The following CARM1 variants were observed in gnomAD, a reference collection of about 807,000 sequenced individuals.
The protein encoded by CARM1 is histone-arginine methyltransferase CARM1.
A neutral mutation model predicts 72.7 loss-of-function variants in CARM1; 14 were observed. That is an observed-to-expected ratio of 0.19 (90% CI 0.13 to 0.30). The LOEUF is 0.30. CARM1 is among the 10% of genes least tolerant of loss of function. CARM1 has a pLI of 1.00. For missense variants in CARM1, 432 were observed against 833.7 expected (o/e 0.52, Z 5.93); for synonymous variants, 333 against 345.5 (o/e 0.96, Z 0.40).
At chr19:10,908,205 C>T in intron 3 of CARM1, 60 bp downstream of exon 3, 1 of 1,085,054 alleles carries the variant, frequency 9.2e-7, no homozygotes, top group Non-Finnish European at 1.4e-6. Context: ...TGCCACTCAC[C>T]CGCAGGAGGC....
chr19:10,878,641 G>A (rs1487600290), intron 1 of CARM1, among the ~76,000 whole-genome samples: 1 of 152,124 alleles, frequency 6.6e-6, no homozygotes, highest in African/African-American at 2.4e-5. Context: ...ATATATAAGT[G>A]GTTCAGTGAC....
At chr19:10,913,630 G>A (rs1369956994) in intron 5 of CARM1, among the ~76,000 whole-genome samples, 2 of 152,096 alleles carry the variant, frequency 1.3e-5, no homozygotes, top group African/African-American at 4.8e-5. Flanking sequence ...AACTTATGAG[G>A]TCAAGCAGTC....
intron 1 of CARM1, among the ~76,000 whole-genome samples, chr19:10,902,034 A>G (rs1433144648): frequency 6.6e-6 from 1 of 152,090 alleles, no homozygotes; most frequent in African/African-American, 2.4e-5. Flanking sequence ...GCTTGAGCTC[A>G]GGAGCTCAAG....
At chr19:10,876,079 G>A (rs926990147) in intron 1 of CARM1, among the ~76,000 whole-genome samples, 14 of 151,742 alleles carry the variant, frequency 9.2e-5, no homozygotes, top group African/African-American at 2.4e-4. Flanking sequence ...GGGTTTCTCC[G>A]TGTTGGTCAG....
In CARM1 at chr19:10,914,104, T is replaced by C. The variant is rs571060125; in HGVS notation, c.847+50T>C. ...CAGGCCCCTCGGTGGAGGCCCTGGC[T>C]GCCGCTGAGCCAGGCCATCAGTGCT... On this transcript the variant is annotated intron_variant, in intron 6 of 15. Transcript: ENST00000327064. 1.8e-5 allele frequency: 28 copies of C among 1,530,150 alleles called. No homozygotes were observed. The African/African-American group carries it at 3.2e-4, about 18-fold the overall frequency. 94.8% of individuals were successfully genotyped at this position (1,530,150 alleles called of 1,614,324 possible). A position where few individuals can be genotyped will look rare whatever the true frequency, so the allele number is the denominator to read the frequency against.
At chr19:10,895,605 G>A (rs1319161905) in intron 1 of CARM1, among the ~76,000 whole-genome samples, 2 of 152,232 alleles carry the variant, frequency 1.3e-5, no homozygotes, top group Non-Finnish European at 2.9e-5. Context: ...TCAAGGCCAT[G>A]CGCACAGTGA....
rs2074277754 is a variant in CARM1, at chr19:10,922,704, A to C, written c.*947A>C. On this transcript the variant is annotated 3_prime_UTR_variant, in exon 16 of 16. Transcript: ENST00000327064. ...TCCCCTGCCCGGGAAGGGACCTTGC[A>C]GGGACCTCTCCCTCCAAAAAAAGAA... The C allele has an allele frequency of 6.6e-6, 1 of 152,504 alleles. No homozygotes were observed. The highest frequency in any genetic ancestry group is 6.5e-5 in the Admixed American group (1 of 15,284). The allele number at this position is 152,504 out of a possible 1,614,324, so 9.4% of individuals were successfully genotyped here. A position where few individuals can be genotyped will look rare whatever the true frequency, so the allele number is the denominator to read the frequency against.
At chr19:10,889,226 G>A (rs1325788307) in intron 1 of CARM1, among the ~76,000 whole-genome samples, 1 of 152,124 alleles carries the variant, frequency 6.6e-6, no homozygotes, top group South Asian at 2.1e-4. Context: ...ATGCCAACAG[G>A]ACACCCACAG....
intron 1 of CARM1, among the ~76,000 whole-genome samples, chr19:10,875,345 A>T (rs955576741): frequency 2.0e-5 from 3 of 151,656 alleles, no homozygotes; most frequent in Admixed American, 6.6e-5. Context: ...TTTTTTTTAA[A>T]GTGAGATGGA....
intron 1 of CARM1, among the ~76,000 whole-genome samples, chr19:10,899,312 G>A (rs958799374): frequency 3.9e-5 from 6 of 152,190 alleles, no homozygotes; most frequent in Non-Finnish European, 8.8e-5. Flanking sequence ...AGGCAACATC[G>A]GGTTGCCAGG....
chr19:10,888,247 G>A (rs1458734268), intron 1 of CARM1, among the ~76,000 whole-genome samples: 2 of 152,166 alleles, frequency 1.3e-5, no homozygotes, highest in African/African-American at 4.8e-5. Flanking sequence ...AGCCTGGCCT[G>A]GCATTGCCCA....
intron 2 of CARM1, 68 bp downstream of exon 2, chr19:10,905,144 G>A (rs973989388): frequency 6.2e-5 from 97 of 1,573,274 alleles, no homozygotes; most frequent in African/African-American, 1.9e-4. Context: ...GGGCAGGGGC[G>A]TAGAGCCTGG....
chr19:10,922,065 G>A lies in CARM1; in HGVS notation c.*308G>A, dbSNP rs1023286436. ...CATCTGCTGGAACAGGCGCCATGGG[G>A]CCTGCCAGCCCTGCCTGCCAGGTCC... On this transcript the variant is annotated 3_prime_UTR_variant, in exon 16 of 16. Coordinates refer to ENST00000327064, the MANE Select transcript of CARM1 (RefSeq NM_199141.2). The A allele has an allele frequency of 1.3e-5, 3 of 237,042 alleles. No individual in the cohort carries two copies. The South Asian group carries it at 3.8e-4, about 30-fold the overall frequency. 14.7% of individuals were successfully genotyped at this position (237,042 alleles called of 1,614,324 possible). A position where few individuals can be genotyped will look rare whatever the true frequency, so the allele number is the denominator to read the frequency against.
chr19:10,910,171 C>T (rs959352578), intron 4 of CARM1, among the ~76,000 whole-genome samples: 3 of 151,690 alleles, frequency 2.0e-5, no homozygotes, highest in Admixed American at 6.6e-5. Flanking sequence ...CAGAGCAGAA[C>T]GTCTGTATTC....
rs1273117715 is a variant in CARM1, at chr19:10,916,507, C to T, written c.938+10C>T. The T allele has an allele frequency of 1.9e-6, 3 of 1,600,260 alleles. No homozygotes were observed. The highest frequency in any genetic ancestry group is 2.6e-6 in the Non-Finnish European group (3 of 1,167,962). On this transcript the variant is annotated intron_variant, in intron 7 of 15. Coordinates refer to ENST00000327064, the MANE Select transcript of CARM1 (RefSeq NM_199141.2). The surrounding 1 kb of genome is among the most constrained non-coding windows in gnomAD (Gnocchi z 4.4). ...CCAAGGCCAACTTCTGGTGAGTGTG[C>T]CCTGGGTGTCCCGCCTGGGCCCCAC...
At chr19:10,917,466 G>A (rs2074207189) in intron 8 of CARM1, among the ~76,000 whole-genome samples, 1 of 151,912 alleles carries the variant, frequency 6.6e-6, no homozygotes, top group African/African-American at 2.4e-5. Flanking sequence ...GACAGAGTGA[G>A]ACTCCGTCTC....
intron 1 of CARM1, among the ~76,000 whole-genome samples, chr19:10,873,197 A>T (rs1302455694): frequency 2.0e-5 from 3 of 152,156 alleles, no homozygotes; most frequent in Non-Finnish European, 4.4e-5. Context: ...TTGGTAGCCA[A>T]CTTTGTCCTG....
rs765225260 is a variant in CARM1 at position 10,919,905 on chromosome 19, C to G, written c.1135C>G (p.Leu379Val). 6.2e-7 allele frequency: 1 copy of G among 1,614,132 alleles called. No homozygotes were observed. Residue 379 changes from leucine (L) to valine (V), a missense_variant, in exon 10 of 16, where the codon CTG becomes GTG. By Grantham distance (32) the Leu-to-Val change is conservative. Coordinates refer to ENST00000327064, the MANE Select transcript of CARM1 (RefSeq NM_199141.2). The part of the protein sequence containing the change: ...RIEIPFKFHM[L>V]HSGLVHGLAF... The stretch of plus-strand genomic sequence containing the variant: ...AGAAATCCCATTCAAATTCCACATG[C>G]TGCATTCAGGGCTGGTCCACGGCCT...
chr19:10,907,917 C>A (rs2074116533), intron 2 of CARM1, 122 bp from the exon 3 acceptor site: 2 of 647,462 alleles, frequency 3.1e-6, no homozygotes, highest in African/African-American at 1.8e-5. Flanking sequence ...GAAGAGAAAT[C>A]ACCAGCCCTG....
Sources: gnomAD v4.1 joint callset for allele counts (sites outside exome capture counted in the v4.1 genomes callset) on GRCh38, gnomAD v4.1.1 for gene constraint, Gnocchi (gnomAD v3.1) non-coding constraint, MANE v1.5 for transcripts, NCBI Gene and HGNC (gene_info 2026-07-23, HGNC 2026-07-21) for gene names.